The following IQCE variants were observed in gnomAD, a reference collection of about 807,000 sequenced individuals.
The protein encoded by IQCE is IQ domain-containing protein E.
IQCE carries 115 observed loss-of-function variants against 96.0 expected under a neutral mutation model. The ratio of observed to expected loss-of-function variants is 1.20; its 90% CI spans 1.03 to 1.40. The LOEUF is 1.40. Among genes scored for constraint, IQCE ranks in the 40% most tolerant of loss-of-function variants. The pLI is 0.00. For missense variants in IQCE, 1,041 were observed against 909.1 expected, an observed-to-expected ratio of 1.15 and a Z score of -1.87; for synonymous variants, 412 against 371.2, an observed-to-expected ratio of 1.11 and a Z score of -1.26.
intron 2 of IQCE, 69 bp from the exon 3 acceptor site, chr7:2,568,885 A>G (rs1781566504): frequency 2.1e-6 from 3 of 1,405,052 alleles, no homozygotes; most frequent in South Asian, 1.2e-5. Flanking sequence ...CTTTCTGAAC[A>G]TGGTAGGGTC....
At position 2,612,226 on chromosome 7, in the gene IQCE, G is replaced by A. The variant is rs908827840; in HGVS notation, c.*2064G>A. 2 of 152,222 alleles carry A rather than the reference G, an allele frequency of 1.3e-5. No individual in the cohort carries two copies. The highest frequency in any genetic ancestry group is 2.4e-5 in the African/African-American group (1 of 41,442). 9.4% of individuals were successfully genotyped at this position (152,222 alleles called of 1,614,324 possible). ...CCATACATAAACCGCCATGTCCTCT[G>A]GTGCAGCTGGGCTGCTCTTTTAAAA... On this transcript the variant is annotated 3_prime_UTR_variant, in exon 22 of 22. Transcript: ENST00000402050.
In IQCE at chr7:2,569,868, G is replaced by A. The variant is rs76774782; in HGVS notation, c.130+869G>A. 5.7e-3 allele frequency among the ~76,000 whole-genome samples: 872 copies of A among 152,310 alleles called. 9 individuals carry two copies. Among genetic ancestry groups the A allele is most frequent in the African/African-American group, 0.02 (831 of 41,566 alleles). ...AATCCCTGCACAGAAAAGAATGCAT[G>A]TTATATGTTACAAATCAATATAAAC... On this transcript the variant is annotated intron_variant, in intron 3 of 21. Transcript: ENST00000402050.
chr7:2,567,158 G>C lies in IQCE; in HGVS notation c.79G>C (p.Glu27Gln). 6.2e-7 allele frequency: 1 copy of C among 1,613,612 alleles called. No homozygotes were observed. The highest frequency in any genetic ancestry group is 8.5e-7 in the Non-Finnish European group (1 of 1,179,760). Residue 27 changes from glutamate to glutamine, a missense_variant, in exon 2 of 22, where the codon GAG (glutamate) becomes CAG (glutamine). Coordinates refer to ENST00000402050, the MANE Select transcript of IQCE (RefSeq NM_152558.5). ...TGCAGTCACCTTTGACTCTGATGTG[G>C]AGACGGTGAGTGCCGCTGGGTGTCA... Reference protein sequence around the residue: ...LSAVTFDSDVETKAKRKAFHK... With the variant: ...LSAVTFDSDVQTKAKRKAFHK...
chr7:2,610,423 C>T lies in IQCE; in HGVS notation c.*261C>T. ...GGTGGATTTTCAGTGCCAACAGACA[C>T]ATCTGCCGTGAACTCGCAGATGCCA... is the stretch of plus-strand genomic sequence containing the variant. On this transcript the variant is annotated 3_prime_UTR_variant, in exon 22 of 22. Transcript: ENST00000402050. The T allele has an allele frequency of 4.8e-6, 2 of 420,736 alleles. No homozygotes were observed. Among genetic ancestry groups the T allele is most frequent in the Non-Finnish European group, 8.7e-6 (2 of 228,964 alleles). The allele number at this position is 420,736 out of a possible 1,614,324, so 26.1% of individuals were successfully genotyped here. A position where few individuals can be genotyped will look rare whatever the true frequency, so the allele number is the denominator to read the frequency against.
At chr7:2,601,297 C>T (rs1784413566) in intron 17 of IQCE, 144 bp from the exon 18 acceptor site, 9 of 659,746 alleles carry the variant, frequency 1.4e-5, no homozygotes, top group South Asian at 3.4e-5. Flanking sequence ...TTTGCTGGGT[C>T]CCGGCAGCTC....
At chr7:2,598,399 C>G in intron 16 of IQCE, 66 bp from the exon 17 acceptor site, 3 of 1,448,042 alleles carry the variant, frequency 2.1e-6, no homozygotes, top group Non-Finnish European at 2.8e-6. Context: ...TATCCTGTCC[C>G]CTTGCCGGAT....
intron 5 of IQCE, 21 bp downstream of exon 5, chr7:2,572,347 G>A (rs781012278): frequency 5.0e-6 from 8 of 1,611,338 alleles, no homozygotes; most frequent in East Asian, 2.2e-5. Context: ...CGATGGTGGC[G>A]AGGCTGAGGC....
chr7:2,597,529 G>GTC (rs888859266), intron 16 of IQCE, among the ~76,000 whole-genome samples: 2 of 152,254 alleles, frequency 1.3e-5, no homozygotes, highest in African/African-American at 4.8e-5. Context: ...GCAGTCTTGT[G>GTC]TCTCCCTCCG....
In IQCE at chr7:2,582,637, G is replaced by A; in HGVS notation, c.688G>A (p.Asp230Asn). Reference sequence around the variant, plus strand: ...GCTGGAACAGCAGTGCAAGGAGAAGGACGGCACCATCAGGTGGGCGCAGGG... The same window carrying A: ...GCTGGAACAGCAGTGCAAGGAGAAGAACGGCACCATCAGGTGGGCGCAGGG... ...LKLEQQCKEK[D>N]GTISKLQTDM... The change falls in exon 9 of 22, where the codon GAC becomes AAC. Residue 230 changes from aspartate (D) to asparagine (N), a missense_variant. Transcript: ENST00000402050. 1 of 1,614,010 alleles carries A rather than the reference G, an allele frequency of 6.2e-7. No individual in the cohort carries two copies. The highest frequency in any genetic ancestry group is 8.5e-7 in the Non-Finnish European group (1 of 1,179,958).
intron 6 of IQCE, among the ~76,000 whole-genome samples, chr7:2,574,532 T>C (rs1270453679): frequency 1.3e-5 from 2 of 152,324 alleles, no homozygotes; most frequent in South Asian, 4.1e-4. Context: ...TGAGCACAGG[T>C]GGCAGCTGTG....
rs1785168888 is a variant in IQCE, at chr7:2,612,998, T to C, written c.*2836T>C. 1 of 152,190 alleles carries C rather than the reference T, an allele frequency of 6.6e-6. No individual in the cohort carries two copies. 9.4% of individuals were successfully genotyped at this position (152,190 alleles called of 1,614,324 possible). ...CAGGGTCGACGTTGGTGGCAGGTGT[T>C]GTTCACGGTGTACTGATTGTCACTG... On this transcript the variant is annotated 3_prime_UTR_variant, in exon 22 of 22. Coordinates refer to ENST00000402050, the MANE Select transcript of IQCE (RefSeq NM_152558.5).
chr7:2,595,720 G>A (rs1042309643), intron 16 of IQCE, among the ~76,000 whole-genome samples: 2 of 149,702 alleles, frequency 1.3e-5, no homozygotes, highest in African/African-American at 2.5e-5. Context: ...CATGGCCGGC[G>A]CTGCCTGCAC....
chr7:2,597,966 C>T (rs1168943887), intron 16 of IQCE, among the ~76,000 whole-genome samples: 1 of 152,230 alleles, frequency 6.6e-6, no homozygotes, highest in African/African-American at 2.4e-5. Context: ...CTGCGCCCAG[C>T]CTGAAATCAT....
At position 2,612,158 on chromosome 7, in the gene IQCE, G is replaced by A. The variant is rs1022496598; in HGVS notation, c.*1996G>A. The A allele has an allele frequency of 6.6e-6, 1 of 152,224 alleles. No homozygotes were observed. The highest frequency in any genetic ancestry group is 1.5e-5 in the Non-Finnish European group (1 of 68,058). The allele number at this position is 152,224 out of a possible 1,614,324, so 9.4% of individuals were successfully genotyped here. A position where few individuals can be genotyped will look rare whatever the true frequency, so the allele number is the denominator to read the frequency against. On this transcript the variant is annotated 3_prime_UTR_variant, in exon 22 of 22. Coordinates refer to ENST00000402050, the MANE Select transcript of IQCE (RefSeq NM_152558.5). ...AGTGGCCTAGAGCTTTGGGTTACAGGCATGGAGAGGGCTTTCCTGCCTCAG... is the reference window on the plus strand; with the variant it reads ...AGTGGCCTAGAGCTTTGGGTTACAGACATGGAGAGGGCTTTCCTGCCTCAG...
intron 21 of IQCE, chr7:2,607,611 G>T (rs946807954): frequency 1.4e-5 from 15 of 1,106,474 alleles, no homozygotes; most frequent in Non-Finnish European, 1.7e-5. Flanking sequence ...CGCTGGCACT[G>T]CAGGATGCCA....
At chr7:2,565,098 G>A (rs1452598858) in intron 1 of IQCE, among the ~76,000 whole-genome samples, 7 of 147,112 alleles carry the variant, frequency 4.8e-5, no homozygotes, top group Non-Finnish European at 1.0e-4. Context: ...GTGTGTGTGC[G>A]TGTGTGTGTG....
chr7:2,574,219 C>G (rs115043601), intron 6 of IQCE, among the ~76,000 whole-genome samples: 1,546 of 152,352 alleles, frequency 0.01, 20 homozygotes, highest in African/African-American at 0.035. Context: ...TATACAGCTA[C>G]TGTCTCCACC....
intron 12 of IQCE, among the ~76,000 whole-genome samples, 177 bp downstream of exon 12, chr7:2,586,548 A>G (rs969711429): frequency 2.0e-5 from 3 of 152,218 alleles, no homozygotes; most frequent in Non-Finnish European, 4.4e-5. Context: ...TGCCCCGGGG[A>G]TGGAGCCGCA....
At chr7:2,570,191 G>A (rs1473765162) in intron 3 of IQCE, among the ~76,000 whole-genome samples, 1 of 152,122 alleles carries the variant, frequency 6.6e-6, no homozygotes, top group Non-Finnish European at 1.5e-5. Context: ...CGAGGCAGGC[G>A]ATGATGTTTT....
Sources: allele counts gnomAD v4.1 joint callset (sites outside exome capture counted in the v4.1 genomes callset), GRCh38; gene constraint gnomAD v4.1.1; transcripts MANE v1.5; gene names NCBI Gene and HGNC (gene_info 2026-07-23, HGNC 2026-07-21).